UXS1: variants seen among roughly 807,000 people sequenced by gnomAD.
UXS1 encodes UDP-glucuronate decarboxylase 1.
In UXS1, 33 loss-of-function variants were observed where a neutral mutation model predicts 62.6. The observed-to-expected ratio is 0.53, with a 90% CI of 0.40 to 0.70. UXS1 has a LOEUF of 0.70. Ranked by LOEUF, UXS1 falls within the 30% of genes least tolerant of loss-of-function variation. The pLI is 0.00. For missense variants in UXS1, 434 were observed against 556.3 expected (o/e 0.78, Z 2.21); for synonymous variants, 213 against 206.8 (o/e 1.03, Z -0.26).
At chr2:106,165,956 A>G in intron 2 of UXS1, 100 bp downstream of exon 2, 1 of 1,202,910 alleles carries the variant, frequency 8.3e-7, no homozygotes, top group Admixed American at 2.7e-5. Flanking sequence ...TGTTTTAAAA[A>G]TATTTTTCAA....
At chr2:106,140,262 C>T (rs1423218344) in intron 6 of UXS1, among the ~76,000 whole-genome samples, 1 of 152,104 alleles carries the variant, frequency 6.6e-6, no homozygotes. Context: ...GAAGCCACCG[C>T]AGGGGAAAGA....
intron 11 of UXS1, 126 bp downstream of exon 11, chr2:106,104,668 A>T: frequency 8.6e-7 from 1 of 1,161,942 alleles, no homozygotes; most frequent in Non-Finnish European, 1.2e-6. Flanking sequence ...AAAAATTTTT[A>T]ATCAATATAT....
chr2:106,110,890 C>T (rs1275001737), intron 10 of UXS1, among the ~76,000 whole-genome samples: 2 of 152,126 alleles, frequency 1.3e-5, no homozygotes, highest in Non-Finnish European at 2.9e-5. Flanking sequence ...TGCCATAATG[C>T]AGAGAAGCAT....
chr2:106,124,143 C>T (rs922173821), intron 8 of UXS1, among the ~76,000 whole-genome samples: 10 of 152,212 alleles, frequency 6.6e-5, no homozygotes, highest in Non-Finnish European at 1.3e-4. Context: ...AAGGAAAATA[C>T]TTCCTGAGAG....
chr2:106,159,297 C>G (rs972653498), intron 4 of UXS1: 1 of 152,184 alleles, frequency 6.6e-6, no homozygotes, highest in Non-Finnish European at 1.5e-5. Flanking sequence ...GACCGCTCCA[C>G]AAGAGCGAGA....
chr2:106,155,734 C>A (rs566044425), intron 5 of UXS1, among the ~76,000 whole-genome samples: 1 of 152,132 alleles, frequency 6.6e-6, no homozygotes, highest in Non-Finnish European at 1.5e-5. Flanking sequence ...CAGAATGTAT[C>A]CCCACTGTTA....
At chr2:106,099,662 C>G (rs761004055) in intron 12 of UXS1, among the ~76,000 whole-genome samples, 1 of 152,202 alleles carries the variant, frequency 6.6e-6, no homozygotes, top group Non-Finnish European at 1.5e-5. Context: ...ATGGTATCTA[C>G]AGAGAAGAGC....
intron 6 of UXS1, among the ~76,000 whole-genome samples, chr2:106,143,884 T>C (rs1681350313): frequency 6.6e-6 from 1 of 152,236 alleles, no homozygotes. Context: ...GTATCTCTTC[T>C]ACCCAGTCTC....
At chr2:106,159,631 A>G (rs1466723872) in intron 4 of UXS1, among the ~76,000 whole-genome samples, 1 of 152,208 alleles carries the variant, frequency 6.6e-6, no homozygotes. Flanking sequence ...ATAAAATCTG[A>G]GACATCAGCT....
chr2:106,112,705 T>A lies in UXS1; in HGVS notation c.820A>T (p.Asn274Tyr). 1 of 1,614,048 alleles carries A rather than the reference T, an allele frequency of 6.2e-7. No homozygotes were observed. The highest frequency in any genetic ancestry group is 8.5e-7 in the Non-Finnish European group (1 of 1,179,900). ...FNTFGPRMHM[N>Y]DGRVVSNFIL... ...AAGTTGCTGACTACTCGCCCATCGTTCATGTGCATGCGTGGCCCAAAGGTG... is the reference window on the plus strand; with the variant it reads ...AAGTTGCTGACTACTCGCCCATCGTACATGTGCATGCGTGGCCCAAAGGTG... The change falls in exon 10 of 15, where the codon AAC becomes TAC. Residue 274 changes from asparagine (N) to tyrosine (Y), a missense_variant. Transcript: ENST00000283148.
intron 6 of UXS1, among the ~76,000 whole-genome samples, chr2:106,142,635 C>T (rs1426150347): frequency 6.6e-6 from 1 of 152,068 alleles, no homozygotes; most frequent in East Asian, 1.9e-4. Flanking sequence ...TGCATTCTGG[C>T]ATTGTTGGAT....
intron 1 of UXS1, among the ~76,000 whole-genome samples, chr2:106,184,418 C>T (rs1684434684): frequency 6.6e-6 from 1 of 152,242 alleles, no homozygotes; most frequent in African/African-American, 2.4e-5. Context: ...AACTTCACAT[C>T]AGACATGTTC....
chr2:106,108,750 C>T (rs531335484), intron 10 of UXS1, among the ~76,000 whole-genome samples: 1 of 152,182 alleles, frequency 6.6e-6, no homozygotes, highest in South Asian at 2.1e-4. Context: ...TGAGGGGCAG[C>T]GAGGAGCTCT....
Position 106,125,694 on chromosome 2 carries a change from G to A in UXS1, c.578-15C>T. The A allele has an allele frequency of 6.4e-7, 1 of 1,562,328 alleles. No individual in the cohort carries two copies. Among genetic ancestry groups the A allele is most frequent in the Non-Finnish European group, 8.7e-7 (1 of 1,153,546 alleles). On this transcript the variant is annotated splice_polypyrimidine_tract_variant and intron_variant, in intron 7 of 14. Transcript: ENST00000283148. Reference sequence around the variant, plus strand: ...TTTTGCCAGCCCTACAGAAAGCAATGACATGATAAAAGAGACTGAATTTAC... The same window carrying A: ...TTTTGCCAGCCCTACAGAAAGCAATAACATGATAAAAGAGACTGAATTTAC...
intron 12 of UXS1, 199 bp downstream of exon 12, chr2:106,100,859 C>T (rs937003748): frequency 1.7e-5 from 11 of 648,720 alleles, no homozygotes; most frequent in South Asian, 7.8e-5. Flanking sequence ...ATCACTCACC[C>T]GTGCCTTGCA....
intron 11 of UXS1, among the ~76,000 whole-genome samples, chr2:106,103,830 AT>A (rs1322392880): frequency 6.6e-6 from 1 of 152,068 alleles, no homozygotes; most frequent in Non-Finnish European, 1.5e-5. Flanking sequence ...GGTTATTTTG[AT>A]TTCTTTTTAA....
rs572564795 is a variant in UXS1 at position 106,191,044 on chromosome 2, T to C, written c.94+3104A>G. On this transcript the variant is annotated intron_variant, in intron 1 of 14. Coordinates refer to ENST00000283148, the MANE Select transcript of UXS1 (RefSeq NM_001253875.2). ...CCTGTCCTCAGAATCGGGATTTCAT[T>C]GAGAAAAAAAAGCCAACATATGAAT... Among the ~76,000 whole-genome samples, 7 of 151,934 alleles carry C rather than the reference T, an allele frequency of 4.6e-5. No individual in the cohort carries two copies. The South Asian group carries it at 1.5e-3, about 32-fold the overall frequency.
chr2:106,146,595 A>G (rs1179283336), intron 5 of UXS1, among the ~76,000 whole-genome samples: 1 of 151,896 alleles, frequency 6.6e-6, no homozygotes, highest in Non-Finnish European at 1.5e-5. Context: ...TCGGGCCAAC[A>G]TGGTGAAACC....
chr2:106,155,201 G>A (rs943346029), intron 5 of UXS1, among the ~76,000 whole-genome samples: 1 of 152,086 alleles, frequency 6.6e-6, no homozygotes, highest in African/African-American at 2.4e-5. Flanking sequence ...TGGGAGGCTG[G>A]AACAAACATC....
Sources: allele counts gnomAD v4.1 joint callset (sites outside exome capture counted in the v4.1 genomes callset), GRCh38; gene constraint gnomAD v4.1.1; transcripts MANE v1.5; gene names NCBI Gene and HGNC (gene_info 2026-07-23, HGNC 2026-07-21).